PARVG: variants seen among roughly 807,000 people sequenced by gnomAD.
PARVG encodes the protein parvin gamma, also known as gamma-parvin.
Under a neutral mutation model 44.4 loss-of-function variants are expected in PARVG, and 36 were observed. The ratio of observed to expected loss-of-function variants is 0.81; its 90% CI spans 0.62 to 1.07. PARVG has a LOEUF of 1.07. Ranked by LOEUF, PARVG falls within the 50% of genes least tolerant of loss-of-function variation. The pLI is 0.00. For synonymous variants in PARVG, 170 were observed against 174.1 expected (o/e 0.98, Z 0.19); for missense variants, 407 against 407.4 (o/e 1.00, Z 0.01).
chr22:44,172,987 C>G (rs1008150858), exon 1 of PARVG: 1 of 1,289,362 alleles, frequency 7.8e-7, no homozygotes, highest in South Asian at 1.2e-5. Flanking sequence ...ATCTTTCATG[C>G]ATTTAGCAGT....
intron 13 of PARVG, 122 bp downstream of exon 13, chr22:44,205,951 G>A (rs565999068): frequency 1.0e-5 from 12 of 1,205,666 alleles, no homozygotes; most frequent in African/African-American, 1.5e-5. Flanking sequence ...CTCTTGCCTG[G>A]CAGGGGTGGA....
Position 44,181,072 on chromosome 22 carries a change from C to A in PARVG, c.-302C>A. 1 of 807,616 alleles carries A rather than the reference C, an allele frequency of 1.2e-6. No homozygotes were observed. The highest frequency in any genetic ancestry group is 1.5e-6 in the Non-Finnish European group (1 of 667,678). The allele number at this position is 807,616 out of a possible 1,614,324, so 50.0% of individuals were successfully genotyped here. Reference sequence around the variant, plus strand: ...TCTTCTTCCACTGCAAACTCCTATGCAGCCGTCAAGGCCCCATTCTCCTCT... The same window carrying A: ...TCTTCTTCCACTGCAAACTCCTATGAAGCCGTCAAGGCCCCATTCTCCTCT... On this transcript the variant is annotated 5_prime_UTR_variant, in exon 1 of 14. Transcript: ENST00000444313.
chr22:44,201,223 A>G (rs2054703623), intron 12 of PARVG, among the ~76,000 whole-genome samples: 1 of 150,338 alleles, frequency 6.7e-6, no homozygotes, highest in South Asian at 2.1e-4. Flanking sequence ...CACAGTCCAC[A>G]CTCCCTTGGG....
intron 3 of PARVG, chr22:44,184,293 A>G (rs1172975956): frequency 6.6e-6 from 1 of 152,386 alleles, no homozygotes; most frequent in Non-Finnish European, 1.5e-5. Flanking sequence ...AGGGAGCAGA[A>G]TGCGGCTTTC....
intron 12 of PARVG, among the ~76,000 whole-genome samples, chr22:44,201,438 C>A (rs369311468): frequency 6.6e-6 from 1 of 152,128 alleles, no homozygotes; most frequent in Non-Finnish European, 1.5e-5. Flanking sequence ...CCCTCGCCCC[C>A]ACGGGGATGC....
intron 12 of PARVG, among the ~76,000 whole-genome samples, chr22:44,204,366 A>G (rs974611726): frequency 7.9e-5 from 12 of 152,210 alleles, no homozygotes; most frequent in African/African-American, 2.9e-4. Context: ...TTGGACGCAC[A>G]TGGCAGCCTT....
chr22:44,191,245 CA>C, intron 7 of PARVG, among the ~76,000 whole-genome samples: 1 of 152,236 alleles, frequency 6.6e-6, no homozygotes, highest in South Asian at 2.1e-4. Context: ...GGGGCCCCAC[CA>C]GCTCTTTGCT....
chr22:44,172,954 G>A (rs762891684), upstream of PARVG: 75 of 1,283,464 alleles, frequency 5.8e-5, no homozygotes, highest in Middle Eastern at 1.0e-3. Flanking sequence ...CCTGTCCACC[G>A]TCTTTGTTTG....
At chr22:44,190,237 T>C (rs6006694) in intron 6 of PARVG, among the ~76,000 whole-genome samples, 5,217 of 152,316 alleles carry the variant, frequency 0.034, 300 homozygotes, top group African/African-American at 0.12. Flanking sequence ...CTAATGATCG[T>C]TCAGCCAGTG....
chr22:44,178,794 A>T (rs2054341792), upstream of PARVG, among the ~76,000 whole-genome samples: 1 of 152,226 alleles, frequency 6.6e-6, no homozygotes, highest in African/African-American at 2.4e-5. Flanking sequence ...GATTAAAAAA[A>T]ATACAGCTGT....
At chr22:44,185,762 G>A (rs370399856) in intron 3 of PARVG, 46 bp from the exon 4 acceptor site, 114 of 1,546,554 alleles carry the variant, frequency 7.4e-5, no homozygotes, top group African/African-American at 5.5e-4. Context: ...GTGGCCAAGC[G>A]CCCCACAGGG....
Position 44,189,247 on chromosome 22 carries a change from C to G in PARVG, c.381C>G (p.Ser127Arg), listed in dbSNP as rs572196077. The change falls in exon 6 of 14, where the codon AGC (serine) becomes AGG (arginine). Residue 127 changes from serine (S) to arginine (R), a missense_variant. Physicochemically the swap from Ser to Arg is moderately radical, Grantham distance 110. Coordinates refer to ENST00000444313, the MANE Select transcript of PARVG (RefSeq NM_022141.7). The part of the protein sequence containing the change: ...LQLEEWQAKW[S>R]VESIFNKDLL... ...TGGAGGAGTGGCAGGCCAAGTGGAG[C>G]GTGGAGAGTACGTGGGCCACAACCT... The G allele has an allele frequency of 6.2e-7, 1 of 1,613,986 alleles. No homozygotes were observed. The highest frequency in any genetic ancestry group is 1.7e-5 in the Admixed American group (1 of 60,022).
chr22:44,186,398 C>G (rs1032763225), intron 4 of PARVG: 3 of 371,094 alleles, frequency 8.1e-6, no homozygotes, highest in Non-Finnish European at 1.6e-5. Flanking sequence ...CAGGTGGGCT[C>G]CAGGCCTCTG....
intron 6 of PARVG, among the ~76,000 whole-genome samples, chr22:44,189,641 G>A (rs7287841): frequency 0.19 from 29,006 of 152,240 alleles, 3,453 homozygotes; most frequent in East Asian, 0.3. Context: ...GCCTGGTCGG[G>A]TGTGGTGTCT....
intron 9 of PARVG, among the ~76,000 whole-genome samples, chr22:44,194,549 A>G (rs759822270): frequency 3.3e-5 from 5 of 151,634 alleles, no homozygotes; most frequent in Non-Finnish European, 5.9e-5. Context: ...CCATTCATCT[A>G]TCCACCCACC....
chr22:44,201,209 G>C (rs775171877), intron 12 of PARVG, among the ~76,000 whole-genome samples: 1 of 152,118 alleles, frequency 6.6e-6, no homozygotes, highest in Non-Finnish European at 1.5e-5. Flanking sequence ...GTGGGGCCCT[G>C]TACCACAGTC....
chr22:44,198,952 A>G (rs1461970907), intron 12 of PARVG, among the ~76,000 whole-genome samples: 3 of 93,704 alleles, frequency 3.2e-5, no homozygotes, highest in South Asian at 3.8e-4. Flanking sequence ...CCACCCATCC[A>G]TCCATCCATC....
Position 44,208,434 on chromosome 22 carries a change from T to G in PARVG, c.*2008T>G, listed in dbSNP as rs1469072420. ...TGTTTTCTGTCACCATCATTTAGAC[T>G]TGTCTAGAATTTCTTATAAACTGTA... On this transcript the variant is annotated 3_prime_UTR_variant, in exon 14 of 14. Coordinates refer to ENST00000444313, the MANE Select transcript of PARVG (RefSeq NM_022141.7). 1 of 152,246 alleles carries G rather than the reference T, an allele frequency of 6.6e-6. No individual in the cohort carries two copies. The highest frequency in any genetic ancestry group is 2.1e-4 in the South Asian group (1 of 4,834). The allele number at this position is 152,246 out of a possible 1,614,324, so 9.4% of individuals were successfully genotyped here.
In PARVG at chr22:44,207,673, A is replaced by ATGTCCTTCGG. The variant is rs1320028275; in HGVS notation, c.*1247_*1248insTGTCCTTCGG. 7.4e-4 allele frequency: 113 copies of ATGTCCTTCGG among 152,258 alleles called. 1 individual carries two copies. Among genetic ancestry groups the ATGTCCTTCGG allele is most frequent in the Non-Finnish European group, 1.5e-3 (104 of 68,238 alleles). 9.4% of individuals were successfully genotyped at this position (152,258 alleles called of 1,614,324 possible). A position where few individuals can be genotyped will look rare whatever the true frequency, so the allele number is the denominator to read the frequency against. On this transcript the variant is annotated 3_prime_UTR_variant, in exon 14 of 14. Coordinates refer to ENST00000444313, the MANE Select transcript of PARVG (RefSeq NM_022141.7). ...TCATTGACACCCACTGGGGGCGCCT[A>ATGTCCTTCGG]GGCAGATGTCCTTCGGGGGAGCAAG...
Sources: gnomAD v4.1 joint callset for allele counts (sites outside exome capture counted in the v4.1 genomes callset) on GRCh38, gnomAD v4.1.1 for gene constraint, MANE v1.5 for transcripts, NCBI Gene and HGNC (gene_info 2026-07-23, HGNC 2026-07-21) for gene names.